Variants in ZNF484 observed in about 807,000 individuals in gnomAD.
The protein encoded by ZNF484 is zinc finger protein 484, also known as KRAB box containing C2H2 type zinc finger bA526D8.4.
ZNF484 carries 11 observed loss-of-function variants against 12.9 expected under a neutral mutation model. The observed-to-expected ratio is 0.85, with a 90% CI of 0.54 to 1.41. The LOEUF is 1.41. Among genes scored for constraint, ZNF484 ranks in the 40% most tolerant of loss-of-function variants. The pLI, the probability that ZNF484 is intolerant of heterozygous loss-of-function variation, is 0.00. For missense variants in ZNF484, 807 were observed against 1,007.7 expected (o/e 0.80, Z 2.70); for synonymous variants, 289 against 334.1 (o/e 0.86, Z 1.47).
intron 4 of ZNF484, among the ~76,000 whole-genome samples, chr9:92,854,412 C>A (rs1044493083): frequency 2.6e-5 from 4 of 152,146 alleles, no homozygotes; most frequent in African/African-American, 9.7e-5. Context: ...TCCCACTCCT[C>A]TTCCTTAAGA....
chr9:92,850,647 G>A (rs140624047), intron 4 of ZNF484, among the ~76,000 whole-genome samples: 5 of 152,216 alleles, frequency 3.3e-5, no homozygotes, highest in East Asian at 1.9e-4. Context: ...GCAATGGCGC[G>A]ATCTCGGCTC....
At chr9:92,863,267 G>GT (rs1856880974) in intron 2 of ZNF484, among the ~76,000 whole-genome samples, 1 of 120,148 alleles carries the variant, frequency 8.3e-6, no homozygotes, top group Non-Finnish European at 1.7e-5. Flanking sequence ...GGCCTGTTGG[G>GT]GAAGGGTGGG....
rs775949060 is a variant in ZNF484 at position 92,846,339 on chromosome 9, C to T, written c.2448G>A (p.Lys816=). 1 of 1,614,150 alleles carries T rather than the reference C, an allele frequency of 6.2e-7. No individual in the cohort carries two copies. The highest frequency in any genetic ancestry group is 2.2e-5 in the East Asian group (1 of 44,886). ...ATTTCTGAGGCATACTGAGTTGTGG[C>T]TTCCAGTTTAAGGCTTTCCCCAAGT... The part of the protein sequence containing the change: ...CSDLGKALNW[K]PQLSMPQKSD... The change falls in exon 5 of 5, where the codon AAG becomes AAA. Residue 816 remains lysine, a synonymous_variant. Transcript: ENST00000375495.
rs569052234 is a variant in ZNF484, at chr9:92,875,923, G to T, written c.-30-864C>A. On this transcript the variant is annotated intron_variant, in intron 1 of 4. Transcript: ENST00000375495. ...AAGGAAATAAGAAAACTCTTCATCT[G>T]CAGTACTGAAAGCTAAATGATGTCG... Among the ~76,000 whole-genome samples the T allele has an allele frequency of 3.3e-5, 5 of 152,332 alleles. No homozygotes were observed. In the East Asian group the frequency reaches 9.6e-4, roughly 29 times the overall value.
intron 2 of ZNF484, among the ~76,000 whole-genome samples, 171 bp downstream of exon 2, chr9:92,874,844 C>A (rs1169493077): frequency 6.6e-6 from 1 of 152,042 alleles, no homozygotes; most frequent in African/African-American, 2.4e-5. Context: ...TGTGTAAGAC[C>A]ATATATTCTA....
Position 92,855,721 on chromosome 9 carries a change from CATCAAAGTTG to C in ZNF484, c.235+80_235+89del, listed in dbSNP as rs1312433422. 7.8e-6 allele frequency: 9 copies of C among 1,148,378 alleles called. No homozygotes were observed. The African/African-American group carries it at 1.2e-4, about 16-fold the overall frequency. The allele number at this position is 1,148,378 out of a possible 1,614,324, so 71.1% of individuals were successfully genotyped here. A position where few individuals can be genotyped will look rare whatever the true frequency, so the allele number is the denominator to read the frequency against. On this transcript the variant is annotated intron_variant, in intron 4 of 4. Coordinates refer to ENST00000375495, the MANE Select transcript of ZNF484 (RefSeq NM_031486.4). ...GTTCTAAAAGTCATTATTAATGACA[CATCAAAGTTG>C]GGCAAAGTTGGGCACAGCTTCTCCC...
chr9:92,862,286 G>C, intron 2 of ZNF484: 2 of 262,020 alleles, frequency 7.6e-6, no homozygotes, highest in Non-Finnish European at 1.2e-5. Context: ...ACTTTATGTT[G>C]TGAACATCTT....
In ZNF484 at chr9:92,875,397, C is replaced by T. The variant is rs539898667; in HGVS notation, c.-30-338G>A. 1.1e-4 allele frequency among the ~76,000 whole-genome samples: 17 copies of T among 152,276 alleles called. No individual in the cohort carries two copies. The South Asian group carries it at 2.9e-3, about 26-fold the overall frequency. ...CTTCAAGTTATCATCAACCCTGGTA[C>T]CTAACTCCTCACTACCACTCTTCAA... is the stretch of plus-strand genomic sequence containing the variant. On this transcript the variant is annotated intron_variant, in intron 1 of 4. Transcript: ENST00000375495.
intron 4 of ZNF484, among the ~76,000 whole-genome samples, chr9:92,854,178 A>G (rs1345344534): frequency 1.3e-5 from 2 of 152,230 alleles, no homozygotes; most frequent in East Asian, 3.8e-4. Flanking sequence ...AGATGTTCAA[A>G]GTATTTTATT....
Position 92,848,626 on chromosome 9 carries a change from G to A in ZNF484, c.236-75C>T. ...AATAAGGCCAGGTGCGGTGGCTCAT[G>A]CCTGTAATCCTAGCACTTTGGGAGG... On this transcript the variant is annotated intron_variant, in intron 4 of 4. Transcript: ENST00000375495. This position sits in a 1 kb window ranked among gnomAD's most constrained non-coding sequence, Gnocchi z 4.1. 1 of 1,380,836 alleles carries A rather than the reference G, an allele frequency of 7.2e-7. No homozygotes were observed. Among genetic ancestry groups the A allele is most frequent in the Non-Finnish European group, 9.6e-7 (1 of 1,046,336 alleles). The allele number at this position is 1,380,836 out of a possible 1,614,324, so 85.5% of individuals were successfully genotyped here. A position where few individuals can be genotyped will look rare whatever the true frequency, so the allele number is the denominator to read the frequency against.
intron 2 of ZNF484, among the ~76,000 whole-genome samples, chr9:92,868,686 GA>G (rs1167482058): frequency 6.6e-6 from 1 of 152,028 alleles, no homozygotes; most frequent in African/African-American, 2.4e-5. Context: ...AAAAGAGGAA[GA>G]AAGAGAGAGC....
At chr9:92,852,529 CTTTTTTTT>C (rs760841960) in intron 4 of ZNF484, among the ~76,000 whole-genome samples, 1 of 63,450 alleles carries the variant, frequency 1.6e-5, no homozygotes, top group Non-Finnish European at 2.7e-5. Context: ...CACGCCCAGC[CTTTTTTTT>C]TTTTTTTTTT....
rs1229945664 is a variant in ZNF484 at position 92,847,871 on chromosome 9, T to C, written c.916A>G (p.Thr306Ala). Residue 306 changes from threonine to alanine, a missense_variant, in exon 5 of 5, where the codon ACT becomes GCT. Transcript: ENST00000375495. ...GSQRVYAGIC[T>A]EYEKDFSLKS... ...AGGGAAAAATCCTTCTCATATTCAG[T>C]GCATATTCCTGCATAAACCCTCTGA... 3.1e-6 allele frequency: 5 copies of C among 1,614,108 alleles called. No homozygotes were observed. The highest frequency in any genetic ancestry group is 4.5e-5 in the East Asian group (2 of 44,894).
At chr9:92,868,758 A>C (rs1857257691) in intron 2 of ZNF484, among the ~76,000 whole-genome samples, 2 of 152,008 alleles carry the variant, frequency 1.3e-5, no homozygotes, top group South Asian at 4.2e-4. Flanking sequence ...AAGATTGAGA[A>C]CTCACCACCT....
Position 92,847,810 on chromosome 9 carries a change from T to C in ZNF484, c.977A>G (p.Asn326Ser), listed in dbSNP as rs990647485. ...TCCATAGTCACTGCATTTATAGTAA[T>C]TCCCCTCATAAGGAGTTTTCTGACG... ...SNRQKTPYEGNYYKCSDYGRA... is the reference protein window; with the variant it reads ...SNRQKTPYEGSYYKCSDYGRA... Residue 326 changes from asparagine to serine, a missense_variant, in exon 5 of 5, where the codon AAT becomes AGT. Asn to Ser is a conservative substitution (Grantham distance 46). Coordinates refer to ENST00000375495, the MANE Select transcript of ZNF484 (RefSeq NM_031486.4). 1 of 1,614,108 alleles carries C rather than the reference T, an allele frequency of 6.2e-7. No homozygotes were observed. The highest frequency in any genetic ancestry group is 8.5e-7 in the Non-Finnish European group (1 of 1,180,034).
chr9:92,848,530 G>T lies in ZNF484; in HGVS notation c.257C>A (p.Pro86His). 1 of 1,590,264 alleles carries T rather than the reference G, an allele frequency of 6.3e-7. No individual in the cohort carries two copies. Among genetic ancestry groups the T allele is most frequent in the Non-Finnish European group, 8.5e-7 (1 of 1,173,734 alleles). The change falls in exon 5 of 5, where the codon CCT becomes CAT. Residue 86 changes from proline (P) to histidine (H), a missense_variant. Transcript: ENST00000375495. The surrounding 1 kb of genome is among the most constrained non-coding windows in gnomAD (Gnocchi z 4.1). Reference protein sequence around the residue: ...SRPDGDIGFGPLQQRMSEEVS... With the variant: ...SRPDGDIGFGHLQQRMSEEVS... ...TTCTTCAGACATCCTCTGTTGTAAAGGTCCAAAACCAATGTCCCCATCTAA... is the reference window on the plus strand; with the variant it reads ...TTCTTCAGACATCCTCTGTTGTAAATGTCCAAAACCAATGTCCCCATCTAA...
Position 92,847,193 on chromosome 9 carries a change from AT to A in ZNF484, c.1593del (p.Lys531AsnfsTer37). The stretch of plus-strand genomic sequence containing the variant: ...CTGAGCCGAGACTTCCAGGTGAATG[AT>A]TTTCCACAGTCGCTGCATTTATAAG... ...EKPYKCSDCG[K>X]SFTWKSRLRI... On this transcript the variant is annotated frameshift_variant, in exon 5 of 5. Coordinates refer to ENST00000375495, the MANE Select transcript of ZNF484 (RefSeq NM_031486.4). LOFTEE classifies it low-confidence loss of function (END_TRUNC). 1 of 1,613,554 alleles carries A rather than the reference AT, an allele frequency of 6.2e-7. No homozygotes were observed. The highest frequency in any genetic ancestry group is 1.1e-5 in the South Asian group (1 of 91,048).
At position 92,847,271 on chromosome 9, in the gene ZNF484, T is replaced by TA; in HGVS notation, c.1515dup (p.Thr506TyrfsTer2). The TA allele has an allele frequency of 6.2e-7, 1 of 1,614,124 alleles. No individual in the cohort carries two copies. The highest frequency in any genetic ancestry group is 8.5e-7 in the Non-Finnish European group (1 of 1,180,004). ...TGCTTAATGAGATTTGACCTGTCAG[T>TA]AAAGGCCTTACCACACACAGTACAT... On this transcript the variant is annotated frameshift_variant, in exon 5 of 5. Coordinates refer to ENST00000375495, the MANE Select transcript of ZNF484 (RefSeq NM_031486.4). LOFTEE classifies it low-confidence loss of function (END_TRUNC).
At chr9:92,858,631 G>A (rs1237443751) in intron 2 of ZNF484, among the ~76,000 whole-genome samples, 2 of 151,996 alleles carry the variant, frequency 1.3e-5, no homozygotes, top group African/African-American at 4.8e-5. Context: ...AAAAATGGGA[G>A]GCAGTAAATA....
Sources: gnomAD v4.1 joint callset for allele counts (sites outside exome capture counted in the v4.1 genomes callset) on GRCh38, gnomAD v4.1.1 for gene constraint, Gnocchi (gnomAD v3.1) non-coding constraint, MANE v1.5 for transcripts, NCBI Gene and HGNC (gene_info 2026-07-23, HGNC 2026-07-21) for gene names.